The following VMP1 variants were observed in gnomAD, a reference collection of about 807,000 sequenced individuals.
VMP1 encodes the protein ectopic P-granules autophagy protein 3 homolog.
VMP1 carries 11 observed loss-of-function variants against 56.0 expected under a neutral mutation model. That is an observed-to-expected ratio of 0.20 (90% CI 0.12 to 0.32). The LOEUF (loss-of-function observed/expected upper bound fraction) is 0.32, where lower values mean the gene tolerates loss of function less well. Among genes scored for constraint, VMP1 ranks in the 10% least tolerant of loss-of-function variants. The probability of loss-of-function intolerance (pLI) is 1.00; values close to 1 mark genes in which losing one functional copy is unlikely to be tolerated. For missense variants in VMP1, 296 were observed against 490.3 expected, an observed-to-expected ratio of 0.60 and a Z score of 3.74; for synonymous variants, 149 against 165.0, an observed-to-expected ratio of 0.90 and a Z score of 0.74.
In VMP1 at chr17:59,758,163, C is replaced by G. The variant is rs144283670; in HGVS notation, c.415-6808C>G. 2.6e-3 allele frequency among the ~76,000 whole-genome samples: 393 copies of G among 152,138 alleles called. 1 individual carries two copies. The highest frequency in any genetic ancestry group is 8.4e-3 in the African/African-American group (350 of 41,514). Reference sequence around the variant, plus strand: ...TGCCTATTTGCCACTTTAAGATGTACTCCCTGTATTGATCTTTACCTTGCC... The same window carrying G: ...TGCCTATTTGCCACTTTAAGATGTAGTCCCTGTATTGATCTTTACCTTGCC... On this transcript the variant is annotated intron_variant, in intron 5 of 11. Transcript: ENST00000262291.
At chr17:59,814,835 G>A (rs139321859) in intron 9 of VMP1, among the ~76,000 whole-genome samples, 166 of 152,322 alleles carry the variant, frequency 1.1e-3, no homozygotes, top group African/African-American at 3.9e-3. Context: ...TATGTTTGCT[G>A]TGTTCCATCG....
chr17:59,734,041 A>G (rs1426956206), intron 2 of VMP1, among the ~76,000 whole-genome samples: 2 of 152,224 alleles, frequency 1.3e-5, no homozygotes, highest in African/African-American at 4.8e-5. Flanking sequence ...AATGCCCTTC[A>G]TAGAAGGTGG....
At chr17:59,819,333 G>T (rs902725422) in intron 10 of VMP1, among the ~76,000 whole-genome samples, 4 of 151,994 alleles carry the variant, frequency 2.6e-5, no homozygotes, top group African/African-American at 9.7e-5. Context: ...TGTAGAGACG[G>T]GGTCTCGCTT....
At chr17:59,772,422 GGCAGAACCATAAGACAGA>G (rs1437920089) in intron 6 of VMP1, among the ~76,000 whole-genome samples, 2 of 152,132 alleles carry the variant, frequency 1.3e-5, no homozygotes, top group African/African-American at 4.8e-5. Context: ...AGCATTTGGA[GGCAGAACCATAAGACAGA>G]GCAAACTGAA....
intron 10 of VMP1, among the ~76,000 whole-genome samples, chr17:59,822,815 T>TA (rs2038500535): frequency 6.6e-6 from 1 of 152,164 alleles, no homozygotes; most frequent in Non-Finnish European, 1.5e-5. Flanking sequence ...CCTCACTAGA[T>TA]ACACTGTCTC....
intron 6 of VMP1, among the ~76,000 whole-genome samples, chr17:59,770,354 T>C (rs1461667162): frequency 1.3e-5 from 2 of 152,176 alleles, no homozygotes; most frequent in African/African-American, 4.8e-5. Flanking sequence ...TTTAATATAC[T>C]CTCACTCAAG....
intron 7 of VMP1, among the ~76,000 whole-genome samples, chr17:59,782,859 C>G (rs904748533): frequency 5.3e-5 from 8 of 152,072 alleles, no homozygotes; most frequent in African/African-American, 9.7e-5. Context: ...GCTTTCATTG[C>G]TTTGCCATGT....
intron 5 of VMP1, among the ~76,000 whole-genome samples, chr17:59,758,397 A>G (rs1186743610): frequency 2.0e-5 from 3 of 152,212 alleles, no homozygotes; most frequent in Non-Finnish European, 2.9e-5. Flanking sequence ...GACGTTTTCA[A>G]CTATGTATGT....
In VMP1 at chr17:59,837,366, G is replaced by T. The variant is rs1027992855; in HGVS notation, c.975-929G>T. The stretch of plus-strand genomic sequence containing the variant: ...TATGTAACAGGTAAGAAACTAAAAG[G>T]TACAGAAAATAGAGATGTTTGATTT... On this transcript the variant is annotated intron_variant, in intron 10 of 11. Transcript: ENST00000262291. 2.0e-4 allele frequency among the ~76,000 whole-genome samples: 31 copies of T among 152,164 alleles called. 1 individual carries two copies. The highest frequency in any genetic ancestry group is 2.0e-3 in the Admixed American group (30 of 15,274).
chr17:59,819,295 AT>A (rs1315329105), intron 10 of VMP1, among the ~76,000 whole-genome samples: 2 of 151,948 alleles, frequency 1.3e-5, no homozygotes, highest in African/African-American at 2.4e-5. Context: ...CTTGTCCCTT[AT>A]TTTTTATTTA....
At chr17:59,819,715 G>A (rs948528907) in intron 10 of VMP1, among the ~76,000 whole-genome samples, 17 of 152,188 alleles carry the variant, frequency 1.1e-4, no homozygotes, top group African/African-American at 3.9e-4. Flanking sequence ...GGCTTCCAAA[G>A]TGCTGGGATT....
chr17:59,763,252 T>C (rs2036121510), intron 5 of VMP1, among the ~76,000 whole-genome samples: 1 of 152,146 alleles, frequency 6.6e-6, no homozygotes, highest in African/African-American at 2.4e-5. Context: ...GGGGTTTTTT[T>C]GTAGTATCAC....
intron 5 of VMP1, among the ~76,000 whole-genome samples, chr17:59,759,323 A>G (rs1273260906): frequency 1.3e-5 from 2 of 152,010 alleles, no homozygotes; most frequent in Non-Finnish European, 2.9e-5. Flanking sequence ...GCAGTGAGCC[A>G]GGATCGTGCC....
Position 59,787,419 on chromosome 17 carries a change from T to C in VMP1, c.714+13534T>C, listed in dbSNP as rs529078904. On this transcript the variant is annotated intron_variant, in intron 7 of 11. Transcript: ENST00000262291. ...AATGTGATGCAAGCTGTTAAATGAA[T>C]GGCCAGTGGGAAACTTGTCTTCTCA... 9.2e-5 allele frequency among the ~76,000 whole-genome samples: 14 copies of C among 152,358 alleles called. No individual in the cohort carries two copies. In the East Asian group the frequency reaches 2.5e-3, roughly 27 times the overall value.
chr17:59,746,200 T>C (rs2035417608), intron 5 of VMP1, among the ~76,000 whole-genome samples: 1 of 152,186 alleles, frequency 6.6e-6, no homozygotes. Flanking sequence ...AGATAGCATC[T>C]CTCTCTGACA....
At chr17:59,738,716 A>G in intron 4 of VMP1, 121 bp from the exon 5 acceptor site, 2 of 708,378 alleles carry the variant, frequency 2.8e-6, no homozygotes, top group Admixed American at 6.0e-5. Context: ...ATGGGTTTTT[A>G]ATCTTATTAG....
chr17:59,801,112 A>ATGTG lies in VMP1; in HGVS notation c.715-7650_715-7647dup, dbSNP rs71145573. Among the ~76,000 whole-genome samples, 143 of 110,314 alleles carry ATGTG rather than the reference A, an allele frequency of 1.3e-3. 1 individual carries two copies. Among genetic ancestry groups the ATGTG allele is most frequent in the African/African-American group, 5.0e-3 (114 of 22,724 alleles). The allele number at this position is 110,314 out of a possible 152,430, so 72.4% of individuals were successfully genotyped here. The stretch of plus-strand genomic sequence containing the variant: ...AAAAAATATATATATATATATATAT[A>ATGTG]TGTGTGTGTGTGTGTGTGTGTGTGT... On this transcript the variant is annotated intron_variant, in intron 7 of 11. Coordinates refer to ENST00000262291, the MANE Select transcript of VMP1 (RefSeq NM_030938.5).
intron 1 of VMP1, among the ~76,000 whole-genome samples, chr17:59,719,177 T>C (rs1753141708): frequency 6.6e-6 from 1 of 152,158 alleles, no homozygotes; most frequent in African/African-American, 2.4e-5. Context: ...ACAGCTATTT[T>C]GGAGTAGTCT....
intron 10 of VMP1, among the ~76,000 whole-genome samples, chr17:59,825,454 T>C (rs532645728): frequency 6.6e-6 from 1 of 152,276 alleles, no homozygotes; most frequent in East Asian, 1.9e-4. Context: ...TGTGCATATT[T>C]CTTAAAGAGC....
Sources: gnomAD v4.1 joint callset for allele counts (sites outside exome capture counted in the v4.1 genomes callset) on GRCh38, gnomAD v4.1.1 for gene constraint, MANE v1.5 for transcripts, NCBI Gene and HGNC (gene_info 2026-07-23, HGNC 2026-07-21) for gene names.